Variants in OSBPL10 observed in about 807,000 individuals in gnomAD.
OSBPL10 encodes the protein oxysterol-binding protein-related protein 10.
A neutral mutation model predicts 81.7 loss-of-function variants in OSBPL10; 49 were observed. That is an observed-to-expected ratio of 0.60 (90% CI 0.48 to 0.76). The LOEUF is 0.76. Ranked by LOEUF, OSBPL10 falls within the 30% of genes least tolerant of loss-of-function variation. The pLI is 0.00. For missense variants in OSBPL10, 923 were observed against 987.8 expected, an observed-to-expected ratio of 0.93 and a Z score of 0.88; for synonymous variants, 419 against 383.6, an observed-to-expected ratio of 1.09 and a Z score of -1.08.
intron 4 of OSBPL10, among the ~76,000 whole-genome samples, chr3:31,811,299 C>A (rs1015997509): frequency 1.3e-5 from 2 of 152,168 alleles, no homozygotes; most frequent in African/African-American, 4.8e-5. Flanking sequence ...CTGGGAAGGG[C>A]GGGGCCCTTT....
chr3:31,957,752 T>A (rs1260712818), intron 1 of OSBPL10, among the ~76,000 whole-genome samples: 1 of 152,184 alleles, frequency 6.6e-6, no homozygotes, highest in Non-Finnish European at 1.5e-5. Context: ...GCAATTCTCC[T>A]GCCTCAGCCT....
chr3:31,855,638 G>C (rs1700891183), intron 3 of OSBPL10, among the ~76,000 whole-genome samples: 1 of 152,084 alleles, frequency 6.6e-6, no homozygotes, highest in African/African-American at 2.4e-5. Context: ...TGCAGTGTTT[G>C]TTGAATGCTA....
At chr3:31,697,450 G>A (rs918949407) in intron 7 of OSBPL10, among the ~76,000 whole-genome samples, 3 of 151,612 alleles carry the variant, frequency 2.0e-5, no homozygotes, top group African/African-American at 4.8e-5. Flanking sequence ...AATAATAAAT[G>A]GCAATTAATA....
chr3:31,753,981 C>A (rs756257371), intron 4 of OSBPL10, among the ~76,000 whole-genome samples: 12 of 152,126 alleles, frequency 7.9e-5, no homozygotes, highest in African/African-American at 2.4e-4. Flanking sequence ...CAATCCACAA[C>A]CCCCTTCTCC....
chr3:31,722,558 G>C (rs1696680079), intron 6 of OSBPL10, among the ~76,000 whole-genome samples: 1 of 152,074 alleles, frequency 6.6e-6, no homozygotes. Context: ...AGTCCCTCTT[G>C]CTTCCATTTC....
At chr3:31,768,676 C>T (rs9871005) in intron 4 of OSBPL10, among the ~76,000 whole-genome samples, 7,796 of 152,238 alleles carry the variant, frequency 0.051, 657 homozygotes, top group African/African-American at 0.18. Flanking sequence ...CTCACTGGCT[C>T]CCTTCCTAGG....
intron 4 of OSBPL10, among the ~76,000 whole-genome samples, chr3:31,763,864 A>T (rs1698130218): frequency 6.6e-6 from 1 of 152,254 alleles, no homozygotes; most frequent in Non-Finnish European, 1.5e-5. Context: ...CTCTGGAGAG[A>T]CAAGTGCATT....
At chr3:31,807,489 T>G (rs7611182) in intron 4 of OSBPL10, among the ~76,000 whole-genome samples, 121,343 of 151,410 alleles carry the variant, frequency 0.8, 48,633 homozygotes, top group African/African-American at 0.82. Context: ...GATGAGGGCA[T>G]GGCATGGTGG....
intron 1 of OSBPL10, among the ~76,000 whole-genome samples, chr3:31,910,791 C>T (rs1445181992): frequency 1.3e-5 from 2 of 152,190 alleles, no homozygotes; most frequent in Non-Finnish European, 2.9e-5. Flanking sequence ...AATGGCGCCG[C>T]TTCCTTTAAC....
At chr3:31,945,189 G>A (rs1480356920) in intron 1 of OSBPL10, among the ~76,000 whole-genome samples, 1 of 149,848 alleles carries the variant, frequency 6.7e-6, no homozygotes, top group East Asian at 1.9e-4. Context: ...AACAAGCCAT[G>A]CTAACAAAAG....
At chr3:31,720,924 C>T (rs1054558409) in intron 6 of OSBPL10, among the ~76,000 whole-genome samples, 3 of 149,184 alleles carry the variant, frequency 2.0e-5, no homozygotes, top group Admixed American at 6.7e-5. Context: ...ATGTCCAAGT[C>T]CTGATATGTT....
rs72850571 is a variant in OSBPL10 at position 31,857,398 on chromosome 3, C to T, written c.537+19035G>A. 9.2e-3 allele frequency among the ~76,000 whole-genome samples: 1,396 copies of T among 152,140 alleles called. 23 individuals are homozygous for T. Among genetic ancestry groups the T allele is most frequent in the African/African-American group, 0.031 (1,275 of 41,520 alleles). On this transcript the variant is annotated intron_variant, in intron 3 of 11. Coordinates refer to ENST00000396556, the MANE Select transcript of OSBPL10 (RefSeq NM_017784.5). ...CTGGCAGGAATTTGGAATTACTGAA[C>T]ATCTTCAAGGACATTAGATGTTAAG...
intron 9 of OSBPL10, among the ~76,000 whole-genome samples, chr3:31,670,522 A>AG (rs2125512353): frequency 6.6e-6 from 1 of 152,314 alleles, no homozygotes; most frequent in Admixed American, 6.5e-5. Context: ...TGGCTTCAGA[A>AG]GGGAGAGTTT....
chr3:31,997,243 A>T (rs576528915), intron 2 of OSBPL10, among the ~76,000 whole-genome samples: 181 of 152,044 alleles, frequency 1.2e-3, no homozygotes, highest in African/African-American at 4.1e-3. Context: ...TAGTCTCCCT[A>T]TGAGCATTTA....
chr3:31,723,143 T>C (rs1173876588), intron 6 of OSBPL10, among the ~76,000 whole-genome samples: 1 of 152,204 alleles, frequency 6.6e-6, no homozygotes, highest in Non-Finnish European at 1.5e-5. Flanking sequence ...CTACAGCCAA[T>C]AGAGAGAACT....
chr3:31,712,998 C>CA (rs1487507770), intron 6 of OSBPL10, among the ~76,000 whole-genome samples: 2 of 152,368 alleles, frequency 1.3e-5, no homozygotes, highest in South Asian at 2.1e-4. Context: ...TGGTTTCTCA[C>CA]AACCTCAGCC....
chr3:32,029,004 G>A (rs1699442877), intron 2 of OSBPL10, among the ~76,000 whole-genome samples: 1 of 147,124 alleles, frequency 6.8e-6, no homozygotes, highest in Admixed American at 6.8e-5. Flanking sequence ...AATGTTGGGT[G>A]GCCATCAGGT....
At chr3:31,690,059 C>A (rs1156942988) in intron 7 of OSBPL10, among the ~76,000 whole-genome samples, 1 of 151,614 alleles carries the variant, frequency 6.6e-6, no homozygotes, top group African/African-American at 2.4e-5. Context: ...TAGTAATTGG[C>A]CAAAAAAGGT....
intron 1 of OSBPL10, among the ~76,000 whole-genome samples, chr3:31,967,453 G>A (rs887174141): frequency 5.3e-5 from 8 of 151,574 alleles, no homozygotes; most frequent in African/African-American, 1.2e-4. Context: ...GCACTCCAGC[G>A]TGGACAACAG....
Sources: allele counts gnomAD v4.1 joint callset (sites outside exome capture counted in the v4.1 genomes callset), GRCh38; gene constraint gnomAD v4.1.1; transcripts MANE v1.5; gene names NCBI Gene and HGNC (gene_info 2026-07-23, HGNC 2026-07-21).